The following SYNE2 variants were observed in gnomAD, a reference collection of about 807,000 sequenced individuals.
SYNE2 encodes spectrin repeat containing nuclear envelope protein 2.
A neutral mutation model predicts 856.3 loss-of-function variants in SYNE2; 431 were observed. The observed-to-expected ratio is 0.50, with a 90% CI of 0.47 to 0.55. SYNE2 has a LOEUF of 0.55. Among genes scored for constraint, SYNE2 ranks in the 20% least tolerant of loss-of-function variants. The pLI is 0.00. For synonymous variants in SYNE2, 2,923 were observed against 2,872.3 expected (o/e 1.02, Z -0.56); for missense variants, 8,129 against 8,023.2 (o/e 1.01, Z -0.50).
intron 85 of SYNE2, among the ~76,000 whole-genome samples, chr14:64,155,817 A>G (rs191774659): frequency 6.6e-6 from 1 of 152,334 alleles, no homozygotes; most frequent in Non-Finnish European, 1.5e-5. Flanking sequence ...AATCCCAGCT[A>G]TTCGGGAGGC....
chr14:64,168,663 ATGTAATTAT>A (rs1420435375), intron 92 of SYNE2, among the ~76,000 whole-genome samples: 27 of 152,214 alleles, frequency 1.8e-4, no homozygotes, highest in African/African-American at 6.5e-4. Context: ...TGGGTATTAG[ATGTAATTAT>A]TATTAGACCT....
intron 23 of SYNE2, among the ~76,000 whole-genome samples, chr14:63,995,730 C>CTATCTATCT (rs2096708279): frequency 7.1e-5 from 8 of 113,454 alleles, no homozygotes; most frequent in African/African-American, 3.3e-4. Context: ...TATATCTATC[C>CTATCTATCT]ATCTATCTAT....
intron 1 of SYNE2, among the ~76,000 whole-genome samples, chr14:63,771,588 A>G (rs1886914670): frequency 6.6e-6 from 1 of 152,198 alleles, no homozygotes; most frequent in Non-Finnish European, 1.5e-5. Context: ...GAAGGATAAA[A>G]CTGTAGTGTA....
chr14:64,038,283 T>G (rs1192117433), intron 45 of SYNE2, among the ~76,000 whole-genome samples: 2 of 145,414 alleles, frequency 1.4e-5, no homozygotes, highest in Non-Finnish European at 3.0e-5. Context: ...CTAGATGGGA[T>G]GGGGGCCGGG....
At chr14:64,025,989 G>T (rs2096975208) in intron 41 of SYNE2, among the ~76,000 whole-genome samples, 1 of 152,106 alleles carries the variant, frequency 6.6e-6, no homozygotes, top group Non-Finnish European at 1.5e-5. Flanking sequence ...AAGCACTTGT[G>T]TTTAAAAGGA....
exon 1 of SYNE2, chr14:63,761,976 C>A: frequency 5.4e-6 from 2 of 368,630 alleles, no homozygotes; most frequent in Non-Finnish European, 1.1e-5. Context: ...GACCCAGTGA[C>A]AGCGTGAGAG....
At chr14:63,906,108 T>C (rs1595556908) in intron 1 of SYNE2, among the ~76,000 whole-genome samples, 2 of 152,234 alleles carry the variant, frequency 1.3e-5, no homozygotes, top group East Asian at 3.8e-4. Context: ...ATCACATTTA[T>C]TGATTTGCAT....
chr14:64,070,661 T>C lies in SYNE2; in HGVS notation c.10448T>C (p.Ile3483Thr). 1.9e-6 allele frequency: 3 copies of C among 1,613,526 alleles called. No individual in the cohort carries two copies. The highest frequency in any genetic ancestry group is 1.1e-5 in the South Asian group (1 of 90,912). ...TTGAATTAGATTGAACGAGAGGCAA[T>C]TATTTTAGATAATCTTCAGGAAGAA... ...FVSEEIEREA[I>T]ILDNLQEELP... Residue 3483 changes from isoleucine (I) to threonine (T), a missense_variant, in exon 52 of 116, where the codon ATT becomes ACT. Ile to Thr is a moderately conservative substitution (Grantham distance 89, BLOSUM62 -1). Coordinates refer to ENST00000555002, the MANE Select transcript of SYNE2 (RefSeq NM_182914.3).
At chr14:63,875,786 C>T (rs906038984) in intron 1 of SYNE2, among the ~76,000 whole-genome samples, 1 of 152,106 alleles carries the variant, frequency 6.6e-6, no homozygotes, top group African/African-American at 2.4e-5. Flanking sequence ...TCTTTTGGCA[C>T]GAATCTTAAG....
intron 1 of SYNE2, among the ~76,000 whole-genome samples, chr14:63,890,590 G>A (rs2095108497): frequency 6.6e-6 from 1 of 152,150 alleles, no homozygotes; most frequent in Non-Finnish European, 1.5e-5. Context: ...AGGAGGGCAG[G>A]TGGTCAGAGA....
chr14:64,197,193 G>A (rs1002256912), intron 99 of SYNE2: 1 of 152,312 alleles, frequency 6.6e-6, no homozygotes, highest in Admixed American at 6.5e-5. Context: ...TGTCGCTTTG[G>A]TTACAATAGA....
intron 6 of SYNE2, among the ~76,000 whole-genome samples, chr14:63,949,597 G>C (rs775952504): frequency 4.6e-5 from 7 of 152,200 alleles, no homozygotes; most frequent in African/African-American, 1.7e-4. Context: ...ATGTGGGACA[G>C]CATGCCTGGG....
intron 1 of SYNE2, among the ~76,000 whole-genome samples, chr14:63,806,427 A>G (rs1888363779): frequency 6.6e-6 from 1 of 152,020 alleles, no homozygotes; most frequent in Non-Finnish European, 1.5e-5. Context: ...TTTGGCCTAA[A>G]GTTTTCTTTT....
intron 1 of SYNE2, among the ~76,000 whole-genome samples, chr14:63,860,698 T>C (rs1893320697): frequency 6.6e-6 from 1 of 152,246 alleles, no homozygotes; most frequent in Admixed American, 6.5e-5. Context: ...AGCTCTTCTC[T>C]ATCGGGCTGT....
At chr14:64,120,165 G>T (rs1175746919) in intron 67 of SYNE2, among the ~76,000 whole-genome samples, 7 of 151,996 alleles carry the variant, frequency 4.6e-5, no homozygotes, top group African/African-American at 1.7e-4. Flanking sequence ...GCTTATGAGT[G>T]GTTCCTACTT....
chr14:63,939,390 C>T (rs965987699), intron 2 of SYNE2, among the ~76,000 whole-genome samples: 1 of 150,878 alleles, frequency 6.6e-6, no homozygotes, highest in Non-Finnish European at 1.5e-5. Context: ...CATTGTCACC[C>T]AGGCTGGAGT....
At chr14:64,158,828 T>C (rs373853743) in intron 86 of SYNE2, 33 bp downstream of exon 86, 44 of 1,611,876 alleles carry the variant, frequency 2.7e-5, no homozygotes, top group Non-Finnish European at 3.3e-5. Context: ...TGGTGCATTA[T>C]TGGCAGGAAA....
chr14:63,851,948 C>A (rs1423164398), upstream of SYNE2, among the ~76,000 whole-genome samples: 2 of 117,572 alleles, frequency 1.7e-5, no homozygotes, highest in Non-Finnish European at 3.2e-5. Context: ...GGTGTGGTGT[C>A]GTGCGCCTGT....
chr14:63,762,025 A>G, intron 1 of SYNE2: 1 of 486,900 alleles, frequency 2.1e-6, no homozygotes, highest in Non-Finnish European at 4.2e-6. Flanking sequence ...GTGTGAATAT[A>G]AGCTAGTCGT....
Sources: gnomAD v4.1 joint callset for allele counts (sites outside exome capture counted in the v4.1 genomes callset) on GRCh38, gnomAD v4.1.1 for gene constraint, MANE v1.5 for transcripts, NCBI Gene and HGNC (gene_info 2026-07-23, HGNC 2026-07-21) for gene names.